SAMHD1: variants seen among roughly 807,000 people sequenced by gnomAD.
SAMHD1 encodes the protein SAM and HD domain containing deoxynucleoside triphosphate triphosphohydrolase 1.
Under a neutral mutation model 79.6 loss-of-function variants are expected in SAMHD1, and 54 were observed. That is an observed-to-expected ratio of 0.68 (90% CI 0.55 to 0.85). The LOEUF (loss-of-function observed/expected upper bound fraction) is 0.85, where lower values mean the gene tolerates loss of function less well. Ranked by LOEUF, SAMHD1 falls within the 40% of genes least tolerant of loss-of-function variation. SAMHD1 has a pLI of 0.00. For missense variants in SAMHD1, 663 were observed against 782.7 expected (o/e 0.85, Z 1.82); for synonymous variants, 260 against 264.1 (o/e 0.98, Z 0.15).
intron 13 of SAMHD1, among the ~76,000 whole-genome samples, 180 bp from the exon 14 acceptor site, chr20:36,898,724 C>T (rs1990244859): frequency 6.6e-6 from 1 of 151,760 alleles, no homozygotes. Flanking sequence ...CCAGCCTGGC[C>T]AACATAGTGA....
chr20:36,947,578 GT>G, intron 1 of SAMHD1, among the ~76,000 whole-genome samples: 2 of 151,226 alleles, frequency 1.3e-5, no homozygotes, highest in East Asian at 1.9e-4. Flanking sequence ...GTGTGTGTGT[GT>G]GTGTGTGTGT....
intron 7 of SAMHD1, 104 bp downstream of exon 7, chr20:36,919,260 A>T: frequency 9.4e-7 from 1 of 1,067,642 alleles, no homozygotes; most frequent in Non-Finnish European, 1.4e-6. Flanking sequence ...CTCATATTTT[A>T]TCATTTAGCC....
chr20:36,931,373 C>G (rs1279726234), intron 4 of SAMHD1, among the ~76,000 whole-genome samples: 3 of 152,274 alleles, frequency 2.0e-5, no homozygotes, highest in South Asian at 4.1e-4. Context: ...CAGGGGCTCA[C>G]GCCTGTAATC....
intron 13 of SAMHD1, among the ~76,000 whole-genome samples, chr20:36,903,528 C>T (rs916561222): frequency 1.0e-4 from 15 of 148,704 alleles, no homozygotes; most frequent in African/African-American, 3.0e-4. Context: ...CATGAGCCAC[C>T]GTGCCCAGCA....
chr20:36,898,387 A>G (rs942004167), intron 14 of SAMHD1, 53 bp downstream of exon 14: 4 of 1,348,050 alleles, frequency 3.0e-6, no homozygotes, highest in South Asian at 1.2e-5. Flanking sequence ...CTAATTTACT[A>G]TAAAGATTTG....
At chr20:36,946,410 C>G in intron 2 of SAMHD1, 1 of 256,120 alleles carries the variant, frequency 3.9e-6, no homozygotes, top group Non-Finnish European at 7.3e-6. Flanking sequence ...GAGACTCTGT[C>G]TCAAAAAAAA....
intron 1 of SAMHD1, among the ~76,000 whole-genome samples, chr20:36,950,864 C>G (rs1344497780): frequency 6.6e-6 from 1 of 152,152 alleles, no homozygotes; most frequent in Non-Finnish European, 1.5e-5. Flanking sequence ...GGAAAAGCCT[C>G]AATTCAGGGA....
At chr20:36,914,357 C>CTT (rs34614830) in intron 9 of SAMHD1, among the ~76,000 whole-genome samples, 12 of 147,720 alleles carry the variant, frequency 8.1e-5, no homozygotes, top group African/African-American at 1.7e-4. Flanking sequence ...TTCTTTCTTT[C>CTT]TTTTTTTTTT....
At position 36,941,187 on chromosome 20, in the gene SAMHD1, T is replaced by C. The variant is rs2063642132; in HGVS notation, c.276-76A>G. On this transcript the variant is annotated intron_variant, in intron 2 of 15. Coordinates refer to ENST00000646673, the MANE Select transcript of SAMHD1 (RefSeq NM_015474.4). ...TCCCTGCAGTATATAGTAGACATAA[T>C]AAACTTTATATTATCTACACTAACA... 3.1e-6 allele frequency: 3 copies of C among 957,254 alleles called. No homozygotes were observed. The South Asian group carries it at 4.0e-5, about 13-fold the overall frequency. The allele number at this position is 957,254 out of a possible 1,614,324, so 59.3% of individuals were successfully genotyped here.
chr20:36,929,617 C>A (rs1055136797), intron 5 of SAMHD1, among the ~76,000 whole-genome samples: 4 of 151,992 alleles, frequency 2.6e-5, no homozygotes, highest in African/African-American at 4.8e-5. Context: ...GAGGCTGAGG[C>A]AGAAGAATCA....
At position 36,919,423 on chromosome 20, in the gene SAMHD1, T is replaced by C. The variant is rs200905678; in HGVS notation, c.793A>G (p.Ile265Val). 1 of 1,613,584 alleles carries C rather than the reference T, an allele frequency of 6.2e-7. No homozygotes were observed. The highest frequency in any genetic ancestry group is 2.2e-5 in the East Asian group (1 of 44,800). Residue 265 changes from isoleucine to valine, a missense_variant, in exon 7 of 16, where the codon ATT (isoleucine) becomes GTT (valine). Coordinates refer to ENST00000646673, the MANE Select transcript of SAMHD1 (RefSeq NM_015474.4). The part of the protein sequence containing the change: ...EQYGLIPEED[I>V]CFIKEQIVGP... ...ACAATTTGTTCCTTTATAAAGCAAA[T>C]ATCTTCTTCAGGGATGAGACCATAT...
At chr20:36,923,051 AG>A (rs1299259216) in intron 6 of SAMHD1, among the ~76,000 whole-genome samples, 2 of 152,158 alleles carry the variant, frequency 1.3e-5, no homozygotes, top group African/African-American at 4.8e-5. Context: ...CCCAGGCTGG[AG>A]TGCAGTGGCG....
At chr20:36,910,489 G>C (rs1172396241) in intron 11 of SAMHD1, among the ~76,000 whole-genome samples, 1 of 152,008 alleles carries the variant, frequency 6.6e-6, no homozygotes, top group Non-Finnish European at 1.5e-5. Flanking sequence ...TAGCACTCTG[G>C]GAGATGGAGG....
rs1555830169 is a variant in SAMHD1, at chr20:36,890,414, C to CTTTCTTTCTTTCTTTCT, written c.*2517_*2518insAGAAAGAAAGAAAGAAA. On this transcript the variant is annotated 3_prime_UTR_variant, in exon 16 of 16. Coordinates refer to ENST00000646673, the MANE Select transcript of SAMHD1 (RefSeq NM_015474.4). ...TTTCTTTCTCTTTCTTTCTTTCTTTCTTTCTTTTCTTTCTCTCTTTCCTTC... is the reference window on the plus strand; with the variant it reads ...TTTCTTTCTCTTTCTTTCTTTCTTTCTTTCTTTCTTTCTTTCTTTTCTTTTCTTTCTCTCTTTCCTTC... 2.7e-5 allele frequency: 4 copies of CTTTCTTTCTTTCTTTCT among 149,988 alleles called. No homozygotes were observed. The highest frequency in any genetic ancestry group is 7.4e-5 in the African/African-American group (3 of 40,694). The allele number at this position is 149,988 out of a possible 1,614,324, so 9.3% of individuals were successfully genotyped here.
chr20:36,908,791 C>T (rs1283975936), intron 11 of SAMHD1, among the ~76,000 whole-genome samples: 2 of 152,064 alleles, frequency 1.3e-5, no homozygotes, highest in African/African-American at 2.4e-5. Flanking sequence ...TAGAATCCAG[C>T]TGTGGTAGAA....
rs1283142326 is a variant in SAMHD1, at chr20:36,891,961, G to A, written c.*971C>T. The A allele has an allele frequency of 1.3e-5, 2 of 152,388 alleles. No homozygotes were observed. The highest frequency in any genetic ancestry group is 2.9e-5 in the Non-Finnish European group (2 of 68,170). 9.4% of individuals were successfully genotyped at this position (152,388 alleles called of 1,614,324 possible). A position where few individuals can be genotyped will look rare whatever the true frequency, so the allele number is the denominator to read the frequency against. ...TGATGGCCTCTGGCCAGCTCTCCAG[G>A]ATACTGAGAGAGCAGGTCAGGGGAG... is the stretch of plus-strand genomic sequence containing the variant. On this transcript the variant is annotated 3_prime_UTR_variant, in exon 16 of 16. Coordinates refer to ENST00000646673, the MANE Select transcript of SAMHD1 (RefSeq NM_015474.4).
chr20:36,931,172 T>C (rs1268656113), intron 4 of SAMHD1: 9 of 397,386 alleles, frequency 2.3e-5, no homozygotes, highest in Non-Finnish European at 4.3e-5. Context: ...ATAACAAGTG[T>C]TGGACATGAT....
rs1308458054 is a variant in SAMHD1 at position 36,951,588 on chromosome 20, G to C, written c.56C>G (p.Pro19Arg). Reference protein sequence around the residue: ...PSKRPRCDDSPRTPSNTPSAE... With the variant: ...PSKRPRCDDSRRTPSNTPSAE... ...GGAAGGGGTGTTTGAGGGGGTTCTC[G>C]GGCTGTCATCGCAACGGGGACGCTT... Residue 19 changes from proline to arginine, a missense_variant, in exon 1 of 16, where the codon CCG becomes CGG. Transcript: ENST00000646673. 4 of 1,614,142 alleles carry C rather than the reference G, an allele frequency of 2.5e-6. No homozygotes were observed. The highest frequency in any genetic ancestry group is 4.5e-5 in the East Asian group (2 of 44,882).
intron 15 of SAMHD1, among the ~76,000 whole-genome samples, chr20:36,896,243 G>A (rs977420737): frequency 1.3e-5 from 2 of 151,760 alleles, no homozygotes; most frequent in Non-Finnish European, 2.9e-5. Flanking sequence ...AAAGTGCTGG[G>A]ATTACAGGCA....
Sources: gnomAD v4.1 joint callset for allele counts (sites outside exome capture counted in the v4.1 genomes callset) on GRCh38, gnomAD v4.1.1 for gene constraint, MANE v1.5 for transcripts, NCBI Gene and HGNC (gene_info 2026-07-23, HGNC 2026-07-21) for gene names.